The following AGAP3 variants were observed in gnomAD, a reference collection of about 807,000 sequenced individuals.
The protein encoded by AGAP3 is ArfGAP with GTPase domain, ankyrin repeat and PH domain 3.
Under a neutral mutation model 96.9 loss-of-function variants are expected in AGAP3, and 24 were observed. The observed-to-expected ratio is 0.25, with a 90% CI of 0.18 to 0.35. The LOEUF (loss-of-function observed/expected upper bound fraction) is 0.35, where lower values mean the gene tolerates loss of function less well. AGAP3 is among the 10% of genes least tolerant of loss of function. The pLI, the probability that AGAP3 is intolerant of heterozygous loss-of-function variation, is 1.00. For missense variants in AGAP3, 876 were observed against 1,254.2 expected (o/e 0.70, Z 4.55); for synonymous variants, 563 against 536.1 (o/e 1.05, Z -0.69).
At position 151,114,907 on chromosome 7, in the gene AGAP3, C is replaced by A; in HGVS notation, c.332-1886C>A. ...CGCGCTGCCGCCGCCCTGCAGGCCG[C>A]CCTCTGCGCCGCCAGTGAGCAGCCG... On this transcript the variant is annotated intron_variant, in intron 1 of 17. Transcript: ENST00000397238. The surrounding 1 kb of genome is among the most constrained non-coding windows in gnomAD (Gnocchi z 4.4). 1.0e-6 allele frequency: 1 copy of A among 993,018 alleles called. No individual in the cohort carries two copies. The highest frequency in any genetic ancestry group is 1.2e-6 in the Non-Finnish European group (1 of 837,502). 61.5% of individuals were successfully genotyped at this position (993,018 alleles called of 1,614,324 possible).
At chr7:151,090,586 C>G (rs1798354375) in intron 1 of AGAP3, 1 of 152,530 alleles carries the variant, frequency 6.6e-6, no homozygotes, top group Admixed American at 6.5e-5. Flanking sequence ...GGTCAAGCCT[C>G]AGCTAGACAG....
rs1171301108 is a variant in AGAP3 at position 151,134,386 on chromosome 7, C to T, written c.1327-14C>T. ...CTAACCAGTCTTCATCTGTCTCTCC[C>T]ACCCGGCCTGCAGGATTACATGCAG... On this transcript the variant is annotated splice_polypyrimidine_tract_variant and intron_variant, in intron 10 of 17. Coordinates refer to ENST00000397238, the MANE Select transcript of AGAP3 (RefSeq NM_031946.7). 2 of 1,613,402 alleles carry T rather than the reference C, an allele frequency of 1.2e-6. No homozygotes were observed. The highest frequency in any genetic ancestry group is 1.7e-5 in the Admixed American group (1 of 59,996).
chr7:151,098,510 A>C (rs1037840356), intron 1 of AGAP3, among the ~76,000 whole-genome samples: 1 of 152,034 alleles, frequency 6.6e-6, no homozygotes, highest in Admixed American at 6.5e-5. Context: ...AAAATTAGCC[A>C]GGTGTGGTGG....
intron 11 of AGAP3, among the ~76,000 whole-genome samples, chr7:151,135,774 C>A (rs1229008634): frequency 6.6e-6 from 1 of 152,210 alleles, no homozygotes; most frequent in Non-Finnish European, 1.5e-5. Context: ...TCCTCAGCAG[C>A]TGTGAAGTAG....
At chr7:151,126,078 G>A (rs544156477) in intron 9 of AGAP3, among the ~76,000 whole-genome samples, 15 of 151,174 alleles carry the variant, frequency 9.9e-5, no homozygotes, top group African/African-American at 3.6e-4. Context: ...GCGGGGCTGA[G>A]CGGCCCGGTC....
intron 8 of AGAP3, 95 bp downstream of exon 8, chr7:151,120,240 A>G (rs1799813187): frequency 1.5e-6 from 2 of 1,323,498 alleles, no homozygotes; most frequent in African/African-American, 2.9e-5. Flanking sequence ...GGGCAGCCCC[A>G]AGTCAGGAAG....
Position 151,108,147 on chromosome 7 carries a change from G to A in AGAP3, c.332-8646G>A, listed in dbSNP as rs1222400544. On this transcript the variant is annotated intron_variant, in intron 1 of 17. Transcript: ENST00000397238. The surrounding 1 kb of genome is among the most constrained non-coding windows in gnomAD (Gnocchi z 4.2). Reference sequence around the variant, plus strand: ...CTTCCAGGGTCTTAGAACATGGCCAGATGGGACAAAGCCAGGAGGCCAGAT... The same window carrying A: ...CTTCCAGGGTCTTAGAACATGGCCAAATGGGACAAAGCCAGGAGGCCAGAT... Among the ~76,000 whole-genome samples, 1 of 152,212 alleles carries A rather than the reference G, an allele frequency of 6.6e-6. No homozygotes were observed. Among genetic ancestry groups the A allele is most frequent in the African/African-American group, 2.4e-5 (1 of 41,448 alleles).
At chr7:151,115,513 G>A in intron 1 of AGAP3, 36 of 1,030,882 alleles carry the variant, frequency 3.5e-5, no homozygotes, top group Non-Finnish European at 4.2e-5. Flanking sequence ...GAGCCCGGCC[G>A]CCCCCGCACC....
rs978957905 is a variant in AGAP3 at position 151,087,078 on chromosome 7, C to T, written c.331+6C>T. 1.9e-6 allele frequency: 3 copies of T among 1,590,336 alleles called. No homozygotes were observed. The highest frequency in any genetic ancestry group is 2.7e-5 in the African/African-American group (2 of 74,566). On this transcript the variant is annotated splice_donor_region_variant and intron_variant, in intron 1 of 17. Transcript: ENST00000397238. ...GCACGTCATCTCCATCGAGGGTGAG[C>T]GGAGCCGGGGGCTGCGGGAGCCGGG...
chr7:151,139,897 C>T lies in AGAP3; in HGVS notation c.1667-82C>T, dbSNP rs1800752797. The T allele has an allele frequency of 4.2e-5, 54 of 1,300,024 alleles. No homozygotes were observed. Among genetic ancestry groups the T allele is most frequent in the Non-Finnish European group, 5.3e-5 (53 of 993,876 alleles). The allele number at this position is 1,300,024 out of a possible 1,614,324, so 80.5% of individuals were successfully genotyped here. Reference sequence around the variant, plus strand: ...CCCAGCTACAGTTGGCAGGACTGGTCCTCTCCTCCTCCCAGTGCCCTGCGC... The same window carrying T: ...CCCAGCTACAGTTGGCAGGACTGGTTCTCTCCTCCTCCCAGTGCCCTGCGC... On this transcript the variant is annotated intron_variant, in intron 12 of 17. Transcript: ENST00000397238. The surrounding 1 kb of genome is among the most constrained non-coding windows in gnomAD (Gnocchi z 4.9).
chr7:151,111,777 G>C (rs1006657916), intron 1 of AGAP3, among the ~76,000 whole-genome samples: 13 of 152,302 alleles, frequency 8.5e-5, no homozygotes, highest in Admixed American at 6.5e-4. Context: ...GCGGGCATTT[G>C]TGAGAGATTT....
At chr7:151,088,184 G>A (rs1798236629) in intron 1 of AGAP3, among the ~76,000 whole-genome samples, 1 of 152,228 alleles carries the variant, frequency 6.6e-6, no homozygotes, top group Admixed American at 6.5e-5. Flanking sequence ...TAGTGCACCT[G>A]AACACCTCCC....
chr7:151,115,350 C>T (rs949438870), intron 1 of AGAP3: 19 of 1,020,936 alleles, frequency 1.9e-5, no homozygotes, highest in Non-Finnish European at 2.2e-5. Flanking sequence ...CAGCTTCCGC[C>T]TGCGCCGCGG....
chr7:151,117,937 G>C, intron 5 of AGAP3, 160 bp downstream of exon 5: 1 of 1,127,228 alleles, frequency 8.9e-7, no homozygotes. Context: ...GTGTCTGAGG[G>C]CTTTTGCCCC....
chr7:151,089,626 C>T (rs1373424178), intron 1 of AGAP3: 2 of 152,356 alleles, frequency 1.3e-5, no homozygotes, highest in South Asian at 2.1e-4. Flanking sequence ...CTCTGCCACT[C>T]ACAGTCACTT....
Position 151,113,395 on chromosome 7 carries a change from C to G in AGAP3, c.332-3398C>G, listed in dbSNP as rs895099895. On this transcript the variant is annotated intron_variant, in intron 1 of 17. Coordinates refer to ENST00000397238, the MANE Select transcript of AGAP3 (RefSeq NM_031946.7). ...CTCTCCAGGCCTGGGAGATCCAGCC[C>G]AGGACTTGGGAATTTCCAGCGCTCT... Among the ~76,000 whole-genome samples, 14 of 152,290 alleles carry G rather than the reference C, an allele frequency of 9.2e-5. 3 individuals are homozygous for G. The South Asian group carries it at 2.3e-3, about 25-fold the overall frequency.
At chr7:151,120,976 C>G in intron 8 of AGAP3, 1 of 527,796 alleles carries the variant, frequency 1.9e-6, no homozygotes, top group Non-Finnish European at 2.5e-6. Flanking sequence ...GGTGGGTGAA[C>G]CCCCGTGTGG....
chr7:151,116,894 G>A (rs1206556118), intron 2 of AGAP3, 43 bp downstream of exon 2: 1 of 1,612,228 alleles, frequency 6.2e-7, no homozygotes, highest in African/African-American at 1.3e-5. Context: ...TGGAGCTGGG[G>A]GGGCGAGGCT....
chr7:151,111,182 A>T (rs1017025054), intron 1 of AGAP3, among the ~76,000 whole-genome samples: 1 of 152,094 alleles, frequency 6.6e-6, no homozygotes, highest in Non-Finnish European at 1.5e-5. Flanking sequence ...GCATCCTGCC[A>T]GCCTTCCCAG....
Sources: allele counts gnomAD v4.1 joint callset (sites outside exome capture counted in the v4.1 genomes callset), GRCh38; gene constraint gnomAD v4.1.1; non-coding constraint Gnocchi (gnomAD v3.1); transcripts MANE v1.5; gene names NCBI Gene and HGNC (gene_info 2026-07-23, HGNC 2026-07-21).